TNFSF13B: variants seen among roughly 807,000 people sequenced by gnomAD.
TNFSF13B encodes the protein TNF superfamily member 13b.
TNFSF13B carries 8 observed loss-of-function variants against 29.1 expected under a neutral mutation model. The ratio of observed to expected loss-of-function variants is 0.27; its 90% CI spans 0.16 to 0.50. TNFSF13B has a LOEUF of 0.50. TNFSF13B is among the 20% of genes least tolerant of loss of function. TNFSF13B has a pLI of 0.98. For missense variants in TNFSF13B, 248 were observed against 334.9 expected, an observed-to-expected ratio of 0.74 and a Z score of 2.03; for synonymous variants, 125 against 130.8, an observed-to-expected ratio of 0.96 and a Z score of 0.30.
intron 5 of TNFSF13B, 95 bp downstream of exon 5, chr13:108,303,699 C>T: frequency 2.3e-6 from 3 of 1,289,802 alleles, no homozygotes; most frequent in Non-Finnish European, 3.2e-6. Flanking sequence ...GGATGGTGCC[C>T]TAAAATACAA....
chr13:108,283,295 A>C (rs1298615992), intron 2 of TNFSF13B, among the ~76,000 whole-genome samples: 1 of 152,274 alleles, frequency 6.6e-6, no homozygotes, highest in Non-Finnish European at 1.5e-5. Flanking sequence ...TTCATTCTGC[A>C]TCCCTAGGCA....
At chr13:108,289,767 T>G (rs1325998635) in intron 3 of TNFSF13B, among the ~76,000 whole-genome samples, 1 of 151,912 alleles carries the variant, frequency 6.6e-6, no homozygotes, top group Non-Finnish European at 1.5e-5. Flanking sequence ...TACGTTCATC[T>G]GATATTTTGA....
intron 2 of TNFSF13B, among the ~76,000 whole-genome samples, chr13:108,284,758 C>T (rs1881074546): frequency 6.6e-6 from 1 of 152,078 alleles, no homozygotes; most frequent in African/African-American, 2.4e-5. Context: ...TCTGATTGAC[C>T]CTAGTGCCAC....
intron 5 of TNFSF13B, among the ~76,000 whole-genome samples, chr13:108,304,326 T>C (rs1464606694): frequency 6.6e-6 from 1 of 152,152 alleles, no homozygotes; most frequent in African/African-American, 2.4e-5. Flanking sequence ...AGTTGTACAA[T>C]GGCTTCTTTC....
At chr13:108,305,205 G>T (rs1266588891) in intron 5 of TNFSF13B, among the ~76,000 whole-genome samples, 1 of 151,794 alleles carries the variant, frequency 6.6e-6, no homozygotes, top group African/African-American at 2.4e-5. Context: ...TCTGTTTTAG[G>T]GCAAATTTAT....
At chr13:108,286,715 T>G (rs543144824) in intron 2 of TNFSF13B, 88 bp from the exon 3 acceptor site, 1 of 761,024 alleles carries the variant, frequency 1.3e-6, no homozygotes, top group East Asian at 3.0e-5. Context: ...ATTTAGTGTT[T>G]CTGGAAGAGT....
rs751742781 is a variant in TNFSF13B at position 108,303,405 on chromosome 13, C to T, written c.594+40C>T. ...TAATTCTGGTTTTACTGTTCAAAGC[C>T]TCCCATTTTGTGTTCATTTCTGACA... is the stretch of plus-strand genomic sequence containing the variant. On this transcript the variant is annotated intron_variant, in intron 4 of 5. Coordinates refer to ENST00000375887, the MANE Select transcript of TNFSF13B (RefSeq NM_006573.5). The T allele has an allele frequency of 3.3e-5, 53 of 1,609,898 alleles. No individual in the cohort carries two copies. In the South Asian group the frequency reaches 5.8e-4, roughly 18 times the overall value.
In TNFSF13B at chr13:108,288,633, A is replaced by G. The variant is rs148876948; in HGVS notation, c.481+1774A>G. Among the ~76,000 whole-genome samples the G allele has an allele frequency of 4.6e-3, 703 of 152,334 alleles. 4 individuals carry two copies. Among genetic ancestry groups the G allele is most frequent in the Middle Eastern group, 0.014 (4 of 294 alleles). On this transcript the variant is annotated intron_variant, in intron 3 of 5. Coordinates refer to ENST00000375887, the MANE Select transcript of TNFSF13B (RefSeq NM_006573.5). ...ACACCTTTGTAAAGTTGAAGATTCTAAGCCAAACCATCGCAAGTCCATATG... is the reference window on the plus strand; with the variant it reads ...ACACCTTTGTAAAGTTGAAGATTCTGAGCCAAACCATCGCAAGTCCATATG...
rs559564812 is a variant in TNFSF13B, at chr13:108,282,964, T to A, written c.425-3839T>A. Among the ~76,000 whole-genome samples, 131 of 152,342 alleles carry A rather than the reference T, an allele frequency of 8.6e-4. 1 individual carries two copies. Among genetic ancestry groups the A allele is most frequent in the South Asian group, 1.7e-3 (8 of 4,810 alleles). ...AGAACCAAACAATAATCAATTAATATGATAATTACTATCAAATTGTGTTTC... is the reference window on the plus strand; with the variant it reads ...AGAACCAAACAATAATCAATTAATAAGATAATTACTATCAAATTGTGTTTC... On this transcript the variant is annotated intron_variant, in intron 2 of 5. Coordinates refer to ENST00000375887, the MANE Select transcript of TNFSF13B (RefSeq NM_006573.5).
intron 2 of TNFSF13B, among the ~76,000 whole-genome samples, chr13:108,277,369 G>T (rs1384867551): frequency 2.6e-5 from 4 of 152,028 alleles, no homozygotes; most frequent in African/African-American, 9.7e-5. Flanking sequence ...ATCTATTTTC[G>T]CAGCAGTATG....
intron 3 of TNFSF13B, among the ~76,000 whole-genome samples, chr13:108,288,269 T>A (rs1881200998): frequency 6.6e-6 from 1 of 152,214 alleles, no homozygotes; most frequent in South Asian, 2.1e-4. Context: ...CATTTATTAA[T>A]TAAGAATATA....
intron 5 of TNFSF13B, among the ~76,000 whole-genome samples, chr13:108,304,290 C>G (rs1881709637): frequency 6.6e-6 from 1 of 151,452 alleles, no homozygotes; most frequent in African/African-American, 2.4e-5. Context: ...GAGAAATGCC[C>G]CTGGCCAGGT....
At chr13:108,298,920 A>G (rs1881530629) in intron 3 of TNFSF13B, among the ~76,000 whole-genome samples, 1 of 145,914 alleles carries the variant, frequency 6.9e-6, no homozygotes, top group South Asian at 2.1e-4. Context: ...GCAGTAAGCC[A>G]AGATGGCACC....
At chr13:108,296,668 A>G (rs1173062278) in intron 3 of TNFSF13B, among the ~76,000 whole-genome samples, 1 of 145,592 alleles carries the variant, frequency 6.9e-6, no homozygotes, top group Non-Finnish European at 1.5e-5. Flanking sequence ...TTCTTTTATA[A>G]GTTTTGTTCC....
At chr13:108,271,754 TA>T (rs1880623744) in intron 2 of TNFSF13B, among the ~76,000 whole-genome samples, 1 of 152,126 alleles carries the variant, frequency 6.6e-6, no homozygotes, top group African/African-American at 2.4e-5. Flanking sequence ...TATACTATAA[TA>T]TTTTTTGTTT....
chr13:108,286,633 A>G (rs1230752312), intron 2 of TNFSF13B, among the ~76,000 whole-genome samples, 170 bp from the exon 3 acceptor site: 1 of 152,098 alleles, frequency 6.6e-6, no homozygotes, highest in Non-Finnish European at 1.5e-5. Flanking sequence ...TATATCATAT[A>G]TATAAATCAA....
intron 3 of TNFSF13B, among the ~76,000 whole-genome samples, chr13:108,299,851 A>G (rs1242192181): frequency 1.3e-5 from 2 of 152,128 alleles, no homozygotes; most frequent in African/African-American, 4.8e-5. Context: ...CACTTTAATA[A>G]GATTATTGCC....
At chr13:108,302,172 A>G (rs1029186412) in intron 3 of TNFSF13B, among the ~76,000 whole-genome samples, 6 of 152,116 alleles carry the variant, frequency 3.9e-5, no homozygotes, top group African/African-American at 1.4e-4. Context: ...TGGATTCTGA[A>G]TTTTATTATC....
In TNFSF13B at chr13:108,298,400, T is replaced by A. The variant is rs1281151880; in HGVS notation, c.482-4853T>A. Among the ~76,000 whole-genome samples the A allele has an allele frequency of 2.7e-5, 4 of 145,776 alleles. 1 individual carries two copies. The highest frequency in any genetic ancestry group is 1.0e-4 in the African/African-American group (4 of 38,764). On this transcript the variant is annotated intron_variant, in intron 3 of 5. Transcript: ENST00000375887. The stretch of plus-strand genomic sequence containing the variant: ...AAGGAGAAGAGAGTTAAAATCTGAA[T>A]AAATAATATTTGGAGAAATAATGGC...
Sources: allele counts gnomAD v4.1 joint callset (sites outside exome capture counted in the v4.1 genomes callset), GRCh38; gene constraint gnomAD v4.1.1; transcripts MANE v1.5; gene names NCBI Gene and HGNC (gene_info 2026-07-23, HGNC 2026-07-21).